Variants in HCRTR2 observed in about 807,000 individuals in gnomAD.
The protein encoded by HCRTR2 is hypocretin receptor 2.
In HCRTR2, 22 loss-of-function variants were observed where a neutral mutation model predicts 49.0. That is an observed-to-expected ratio of 0.45 (90% CI 0.32 to 0.64). HCRTR2 has a LOEUF of 0.64. HCRTR2 is among the 30% of genes least tolerant of loss of function. The probability of loss-of-function intolerance (pLI) is 0.04; values close to 1 mark genes in which losing one functional copy is unlikely to be tolerated. For synonymous variants in HCRTR2, 236 were observed against 205.3 expected (o/e 1.15, Z -1.28); for missense variants, 491 against 559.4 (o/e 0.88, Z 1.23).
At chr6:55,269,392 A>G (rs1464033205) in intron 4 of HCRTR2, among the ~76,000 whole-genome samples, 1 of 152,150 alleles carries the variant, frequency 6.6e-6, no homozygotes, top group Non-Finnish European at 1.5e-5. Context: ...AAAAGGCATG[A>G]CGATCACAAA....
chr6:55,134,134 T>C (rs962333048), intron 1 of HCRTR2, among the ~76,000 whole-genome samples: 8 of 151,892 alleles, frequency 5.3e-5, no homozygotes, highest in Non-Finnish European at 1.2e-4. Context: ...CTAAGCACAT[T>C]TTATTTCTAT....
chr6:55,270,181 C>G (rs547002850), intron 4 of HCRTR2, among the ~76,000 whole-genome samples: 3 of 152,168 alleles, frequency 2.0e-5, no homozygotes, highest in South Asian at 4.1e-4. Context: ...TGGTACTAGT[C>G]TCTATATAGG....
chr6:55,253,483 TAGA>T (rs781380083), intron 2 of HCRTR2, among the ~76,000 whole-genome samples: 3 of 151,968 alleles, frequency 2.0e-5, no homozygotes, highest in South Asian at 2.1e-4. Context: ...GACAGAAAAA[TAGA>T]AGAAGATGAC....
intron 1 of HCRTR2, among the ~76,000 whole-genome samples, chr6:55,233,060 A>T (rs1194801299): frequency 6.6e-6 from 1 of 152,068 alleles, no homozygotes. Context: ...AAAGTGACAG[A>T]CAAAAAATGG....
In HCRTR2 at chr6:55,244,792, G is replaced by C. The variant is rs117822326; in HGVS notation, c.224-3847G>C. On this transcript the variant is annotated intron_variant, in intron 1 of 6. Transcript: ENST00000370862. Reference sequence around the variant, plus strand: ...TTTCTTCCAGGGTTTCTAGAGTTTCGGGTCTTACATTTAAGTCTTTAATCC... The same window carrying C: ...TTTCTTCCAGGGTTTCTAGAGTTTCCGGTCTTACATTTAAGTCTTTAATCC... Among the ~76,000 whole-genome samples the C allele has an allele frequency of 1.3e-4, 19 of 151,912 alleles. No homozygotes were observed. The South Asian group carries it at 2.9e-3, about 23-fold the overall frequency.
intron 1 of HCRTR2, among the ~76,000 whole-genome samples, chr6:55,156,572 G>GACACAC (rs141547382): frequency 6.7e-6 from 1 of 148,452 alleles, no homozygotes; most frequent in African/African-American, 2.5e-5. Flanking sequence ...CTCTCTCTGA[G>GACACAC]ACACACACAC....
chr6:55,208,631 T>C (rs1364647118), intron 1 of HCRTR2, among the ~76,000 whole-genome samples: 1 of 152,228 alleles, frequency 6.6e-6, no homozygotes, highest in Admixed American at 6.5e-5. Context: ...GTTATCTATG[T>C]CATCTATTGA....
At chr6:55,138,156 T>C (rs1408439724) in intron 1 of HCRTR2, among the ~76,000 whole-genome samples, 3 of 151,946 alleles carry the variant, frequency 2.0e-5, no homozygotes, top group African/African-American at 7.2e-5. Flanking sequence ...CAGTTAAAAA[T>C]AAATTAAAAA....
intron 1 of HCRTR2, among the ~76,000 whole-genome samples, chr6:55,205,189 T>A (rs1488754934): frequency 6.6e-6 from 1 of 152,200 alleles, no homozygotes; most frequent in African/African-American, 2.4e-5. Flanking sequence ...GGGTTGAGGA[T>A]GTACTTTTGG....
chr6:55,178,391 C>A (rs1336038830), intron 1 of HCRTR2, among the ~76,000 whole-genome samples: 1 of 152,060 alleles, frequency 6.6e-6, no homozygotes, highest in Non-Finnish European at 1.5e-5. Context: ...AGTTATTGAA[C>A]TATCCAAGTC....
At chr6:55,189,530 T>C (rs1477149791) in intron 1 of HCRTR2, among the ~76,000 whole-genome samples, 2 of 152,164 alleles carry the variant, frequency 1.3e-5, no homozygotes, top group Non-Finnish European at 2.9e-5. Flanking sequence ...CTCAGCAAAC[T>C]AACATGGGAA....
At chr6:55,139,288 T>G (rs150947279) in intron 1 of HCRTR2, among the ~76,000 whole-genome samples, 8 of 152,268 alleles carry the variant, frequency 5.3e-5, no homozygotes, top group African/African-American at 1.9e-4. Context: ...TAAGTTTATG[T>G]TTTAAGGACT....
intron 1 of HCRTR2, among the ~76,000 whole-genome samples, chr6:55,234,444 C>T (rs1018748808): frequency 2.0e-5 from 3 of 152,004 alleles, no homozygotes; most frequent in Non-Finnish European, 1.5e-5. Context: ...GGAGAAATGG[C>T]TAGATTAATT....
chr6:55,183,928 C>A (rs1765174720), intron 1 of HCRTR2, among the ~76,000 whole-genome samples: 1 of 151,746 alleles, frequency 6.6e-6, no homozygotes, highest in African/African-American at 2.4e-5. Flanking sequence ...TTCTCTTTTT[C>A]TTTTTACTTT....
intron 5 of HCRTR2, 90 bp from the exon 6 acceptor site, chr6:55,280,233 C>T: frequency 1.2e-6 from 1 of 851,484 alleles, no homozygotes. Context: ...CTGAAGAGGA[C>T]AGGAGTCAGA....
At chr6:55,125,411 G>C (rs1041543775) in intron 1 of HCRTR2, among the ~76,000 whole-genome samples, 2 of 152,102 alleles carry the variant, frequency 1.3e-5, no homozygotes, top group Admixed American at 6.6e-5. Flanking sequence ...GGTTGAAAAT[G>C]CTTTTCTTTA....
chr6:55,173,292 A>G (rs984641881), upstream of HCRTR2, among the ~76,000 whole-genome samples: 5 of 152,178 alleles, frequency 3.3e-5, no homozygotes, highest in Non-Finnish European at 1.5e-5. Flanking sequence ...TCCCATAAGG[A>G]TGGAAGTAGT....
chr6:55,178,602 A>T (rs911250402), intron 1 of HCRTR2, among the ~76,000 whole-genome samples: 3 of 152,226 alleles, frequency 2.0e-5, no homozygotes, highest in Admixed American at 1.3e-4. Context: ...TGTGGTGTAT[A>T]GCCAGCTTCT....
rs1220435545 is a variant in HCRTR2 at position 55,282,604 on chromosome 6, A to T, written c.*150A>T. 1.3e-5 allele frequency: 8 copies of T among 615,450 alleles called. No individual in the cohort carries two copies. The highest frequency in any genetic ancestry group is 2.0e-5 in the Non-Finnish European group (7 of 350,280). 38.1% of individuals were successfully genotyped at this position (615,450 alleles called of 1,614,324 possible). A position where few individuals can be genotyped will look rare whatever the true frequency, so the allele number is the denominator to read the frequency against. ...CTATTGCTCTTTGGAAATAAAAAAAAAGTCAGTTTAAAATGATTTCTCAAC... is the reference window on the plus strand; with the variant it reads ...CTATTGCTCTTTGGAAATAAAAAAATAGTCAGTTTAAAATGATTTCTCAAC... On this transcript the variant is annotated 3_prime_UTR_variant, in exon 7 of 7. Transcript: ENST00000370862.
Sources: gnomAD v4.1 joint callset for allele counts (sites outside exome capture counted in the v4.1 genomes callset) on GRCh38, gnomAD v4.1.1 for gene constraint, MANE v1.5 for transcripts, NCBI Gene and HGNC (gene_info 2026-07-23, HGNC 2026-07-21) for gene names.